CACNB4: variants seen among roughly 807,000 people sequenced by gnomAD.
CACNB4 encodes calcium voltage-gated channel auxiliary subunit beta 4, also known as voltage-dependent L-type calcium channel subunit beta-4.
Under a neutral mutation model 71.2 loss-of-function variants are expected in CACNB4, and 32 were observed. The observed-to-expected ratio is 0.45, with a 90% CI of 0.34 to 0.60. The LOEUF (loss-of-function observed/expected upper bound fraction) is 0.60, where lower values mean the gene tolerates loss of function less well. Ranked by LOEUF, CACNB4 falls within the 20% of genes least tolerant of loss-of-function variation. CACNB4 has a pLI of 0.01. For synonymous variants in CACNB4, 231 were observed against 236.9 expected (o/e 0.97, Z 0.23); for missense variants, 464 against 647.9 (o/e 0.72, Z 3.08).
At chr2:151,986,615 G>T (rs1174220283) in intron 2 of CACNB4, among the ~76,000 whole-genome samples, 1 of 152,112 alleles carries the variant, frequency 6.6e-6, no homozygotes, top group Non-Finnish European at 1.5e-5. Context: ...CTGGACTTAG[G>T]AAGTACCCTT....
intron 9 of CACNB4, among the ~76,000 whole-genome samples, chr2:151,862,511 C>G (rs568737626): frequency 1.3e-5 from 2 of 152,244 alleles, no homozygotes; most frequent in East Asian, 1.9e-4. Context: ...CCGCAGAAAC[C>G]AAGAGTTTTT....
In CACNB4 at chr2:152,056,318, G is replaced by A. The variant is rs1191675133; in HGVS notation, c.147+42012C>T. ...AGAGCTTGCAGTGAGCCAAGATCAC[G>A]CCACTGCACTCCAGCCTGGGTGACA... On this transcript the variant is annotated intron_variant, in intron 2 of 13. Transcript: ENST00000539935. Among the ~76,000 whole-genome samples the A allele has an allele frequency of 4.7e-5, 7 of 150,092 alleles. No homozygotes were observed. The East Asian group carries it at 5.9e-4, about 13-fold the overall frequency.
intron 12 of CACNB4, among the ~76,000 whole-genome samples, chr2:151,849,512 G>C (rs2099838483): frequency 6.6e-6 from 1 of 152,152 alleles, no homozygotes; most frequent in South Asian, 2.1e-4. Flanking sequence ...CTAGGCTCAA[G>C]CCACCTTCCT....
chr2:152,069,895 G>T (rs1305011897), intron 2 of CACNB4, among the ~76,000 whole-genome samples: 14 of 148,532 alleles, frequency 9.4e-5, no homozygotes, highest in South Asian at 4.3e-4. Flanking sequence ...CAGGCTGGAG[G>T]GCAGTGGCAC....
Position 152,098,864 on chromosome 2 carries a change from C to T in CACNB4, c.63+85G>A. On this transcript the variant is annotated intron_variant, in intron 1 of 13. Coordinates refer to ENST00000539935, the MANE Select transcript of CACNB4 (RefSeq NM_000726.5). This position sits in a 1 kb window ranked among gnomAD's most constrained non-coding sequence, Gnocchi z 5.3. ...CGGGACTGGGGCCCCGCACGCCCGGCACGAAGGCGGGGCGCGCTAGGGCGG... is the reference window on the plus strand; with the variant it reads ...CGGGACTGGGGCCCCGCACGCCCGGTACGAAGGCGGGGCGCGCTAGGGCGG... The T allele has an allele frequency of 4.3e-6, 5 of 1,162,886 alleles. No homozygotes were observed. Among genetic ancestry groups the T allele is most frequent in the Non-Finnish European group, 1.2e-6 (1 of 841,598 alleles). The allele number at this position is 1,162,886 out of a possible 1,614,324, so 72.0% of individuals were successfully genotyped here.
At chr2:151,881,007 G>A in intron 3 of CACNB4, 85 bp from the exon 4 acceptor site, 1 of 1,334,764 alleles carries the variant, frequency 7.5e-7, no homozygotes, top group Middle Eastern at 1.9e-4. Flanking sequence ...GTACCAGGTA[G>A]TGAGAAATAA....
At chr2:152,032,432 C>G (rs1684337097) in intron 2 of CACNB4, among the ~76,000 whole-genome samples, 1 of 152,162 alleles carries the variant, frequency 6.6e-6, no homozygotes, top group Non-Finnish European at 1.5e-5. Context: ...TTTTAGCTAT[C>G]AACTATTGAT....
chr2:151,959,403 C>A (rs998291603), intron 2 of CACNB4, among the ~76,000 whole-genome samples: 3 of 152,158 alleles, frequency 2.0e-5, no homozygotes, highest in Non-Finnish European at 2.9e-5. Flanking sequence ...GTGTCCCATG[C>A]GTACCCTTCC....
At chr2:152,089,863 C>T (rs1296980591) in intron 2 of CACNB4, among the ~76,000 whole-genome samples, 1 of 151,982 alleles carries the variant, frequency 6.6e-6, no homozygotes, top group Non-Finnish European at 1.5e-5. Flanking sequence ...ATCCCGTGAG[C>T]ACAGGAGGTT....
intron 2 of CACNB4, among the ~76,000 whole-genome samples, chr2:151,904,090 G>A (rs1017947901): frequency 3.3e-5 from 5 of 152,084 alleles, no homozygotes; most frequent in Non-Finnish European, 7.4e-5. Flanking sequence ...GTTCAATAGA[G>A]AAAAAAACGC....
chr2:151,918,930 T>G (rs752509483), intron 2 of CACNB4, among the ~76,000 whole-genome samples: 8 of 152,230 alleles, frequency 5.3e-5, no homozygotes, highest in Admixed American at 1.3e-4. Flanking sequence ...TGGATAATCA[T>G]TCACTGAAAG....
At chr2:152,039,887 G>C (rs1364144841) in intron 2 of CACNB4, among the ~76,000 whole-genome samples, 1 of 138,936 alleles carries the variant, frequency 7.2e-6, no homozygotes, top group Non-Finnish European at 1.5e-5. Flanking sequence ...AGAGAATGCA[G>C]AAAAAAAGAA....
At position 151,964,069 on chromosome 2, in the gene CACNB4, G is replaced by GAAAA. The variant is rs397825547; in HGVS notation, c.148-80703_148-80700dup. Among the ~76,000 whole-genome samples, 199 of 98,262 alleles carry GAAAA rather than the reference G, an allele frequency of 2.0e-3. 3 individuals carry two copies. The highest frequency in any genetic ancestry group is 4.5e-3 in the East Asian group (12 of 2,678). 64.5% of individuals were successfully genotyped at this position (98,262 alleles called of 152,430 possible). A position where few individuals can be genotyped will look rare whatever the true frequency, so the allele number is the denominator to read the frequency against. ...GGCCAGAGCAAGACTCTGTCTCACA[G>GAAAA]AAAAAAAAAAAAAAAAAAAAAGAAT... On this transcript the variant is annotated intron_variant, in intron 2 of 13. Transcript: ENST00000539935.
At chr2:151,846,337 G>A (rs1357314288) in intron 12 of CACNB4, among the ~76,000 whole-genome samples, 1 of 152,076 alleles carries the variant, frequency 6.6e-6, no homozygotes, top group Non-Finnish European at 1.5e-5. Context: ...AATTCTTTTT[G>A]GAGGGAAGAT....
At position 151,889,744 on chromosome 2, in the gene CACNB4, C is replaced by T. The variant is rs371887717; in HGVS notation, c.148-6374G>A. Among the ~76,000 whole-genome samples, 4 of 152,178 alleles carry T rather than the reference C, an allele frequency of 2.6e-5. No individual in the cohort carries two copies. The East Asian group carries it at 5.8e-4, about 22-fold the overall frequency. On this transcript the variant is annotated intron_variant, in intron 2 of 13. Transcript: ENST00000539935. ...CCCTCCCTTTCTTGCAAATGTGCTTCCTTTTCCTTCACCCCCTTTATCAAA... is the reference window on the plus strand; with the variant it reads ...CCCTCCCTTTCTTGCAAATGTGCTTTCTTTTCCTTCACCCCCTTTATCAAA...
At chr2:152,088,914 G>C (rs1687820403) in intron 2 of CACNB4, among the ~76,000 whole-genome samples, 1 of 152,200 alleles carries the variant, frequency 6.6e-6, no homozygotes, top group African/African-American at 2.4e-5. Flanking sequence ...TAATATATCA[G>C]CCTCATCTAT....
intron 12 of CACNB4, chr2:151,852,382 T>C (rs575843209): frequency 7.9e-5 from 12 of 152,290 alleles, no homozygotes; most frequent in African/African-American, 2.9e-4. Context: ...GGGTCTACTA[T>C]GATAGGGAAC....
chr2:151,958,267 C>G (rs2099868818), intron 2 of CACNB4, among the ~76,000 whole-genome samples: 1 of 152,174 alleles, frequency 6.6e-6, no homozygotes, highest in South Asian at 2.1e-4. Context: ...AGTTTCCAAA[C>G]ATGGCATAAT....
intron 2 of CACNB4, among the ~76,000 whole-genome samples, chr2:151,929,165 G>A (rs990262955): frequency 6.6e-6 from 1 of 151,826 alleles, no homozygotes. Flanking sequence ...GGGAAGCAAG[G>A]AGAGATGGAA....
Sources: allele counts gnomAD v4.1 joint callset (sites outside exome capture counted in the v4.1 genomes callset), GRCh38; gene constraint gnomAD v4.1.1; non-coding constraint Gnocchi (gnomAD v3.1); transcripts MANE v1.5; gene names NCBI Gene and HGNC (gene_info 2026-07-23, HGNC 2026-07-21).